The following ECEL1 variants were observed in gnomAD, a reference collection of about 807,000 sequenced individuals.
ECEL1 encodes endothelin converting enzyme like 1.
ECEL1 carries 87 observed loss-of-function variants against 101.8 expected under a neutral mutation model. The observed-to-expected ratio is 0.85, with a 90% CI of 0.72 to 1.02. The LOEUF (loss-of-function observed/expected upper bound fraction) is 1.02, where lower values mean the gene tolerates loss of function less well. Among genes scored for constraint, ECEL1 ranks in the 50% least tolerant of loss-of-function variants. The pLI, the probability that ECEL1 is intolerant of heterozygous loss-of-function variation, is 0.00. For missense variants in ECEL1, 1,032 were observed against 1,079.2 expected (o/e 0.96, Z 0.61); for synonymous variants, 487 against 468.7 (o/e 1.04, Z -0.50).
chr2:232,486,710 G>A lies in ECEL1; in HGVS notation c.-57C>T. The A allele has an allele frequency of 7.1e-7, 1 of 1,401,040 alleles. No homozygotes were observed. The allele number at this position is 1,401,040 out of a possible 1,614,324, so 86.8% of individuals were successfully genotyped here. A position where few individuals can be genotyped will look rare whatever the true frequency, so the allele number is the denominator to read the frequency against. On this transcript the variant is annotated 5_prime_UTR_variant, in exon 2 of 18. Coordinates refer to ENST00000304546, the MANE Select transcript of ECEL1 (RefSeq NM_004826.4). Reference sequence around the variant, plus strand: ...CCACCTGGGCTACGGGATGCGCGTGGCCGCCGGCCTCCTCGTGGGCCTCCG... The same window carrying A: ...CCACCTGGGCTACGGGATGCGCGTGACCGCCGGCCTCCTCGTGGGCCTCCG...
chr2:232,483,225 A>G (rs1272237819), intron 8 of ECEL1, 46 bp from the exon 9 acceptor site: 1 of 1,571,192 alleles, frequency 6.4e-7, no homozygotes, highest in South Asian at 1.2e-5. Flanking sequence ...CTCGGGAGAC[A>G]GCCCCCCGCC....
Position 232,486,189 on chromosome 2 carries a change from C to T in ECEL1, c.465G>A (p.Glu155=). The change falls in exon 2 of 18, where the codon GAG becomes GAA. Residue 155 remains glutamate, a synonymous_variant. Transcript: ENST00000304546. ...GGCGCCGTAGGCGCTCCTCGTTTTG[C>T]TCGCCGATGGCCGCGATGGTGCCAT... ...LTYGTIAAIG[E]QNEERLRRLL... is the part of the protein sequence containing the mutation. The T allele has an allele frequency of 6.3e-7, 1 of 1,594,764 alleles. No homozygotes were observed. Among genetic ancestry groups the T allele is most frequent in the South Asian group, 1.1e-5 (1 of 89,694 alleles).
chr2:232,486,081 G>C lies in ECEL1; in HGVS notation c.573C>G (p.Arg191=). The change falls in exon 2 of 18, where the codon CGC becomes CGG. Residue 191 remains arginine, a synonymous_variant. Transcript: ENST00000304546. ...RAFFRSCLDM[R]EIERLGPRPM... ...GTCGCGGGCCCAGTCGCTCGATCTC[G>C]CGCATGTCGAGGCACGAGCGGAAGA... 6.2e-7 allele frequency: 1 copy of C among 1,602,040 alleles called. No individual in the cohort carries two copies.
In ECEL1 at chr2:232,484,061, AAAGTGGCGATTGGCCTGGCCC is replaced by A; in HGVS notation, c.1326_1346del (p.Leu442_His448del). 1 of 1,612,936 alleles carries A rather than the reference AAAGTGGCGATTGGCCTGGCCC, an allele frequency of 6.2e-7. No homozygotes were observed. The highest frequency in any genetic ancestry group is 8.5e-7 in the Non-Finnish European group (1 of 1,179,202). The stretch of plus-strand genomic sequence containing the variant: ...CAAAGAGGGCGCCAAGCGCCATGCC[AAAGTGGCGATTGGCCTGGCCC>A]AAGCAGACCCGGGCCAGCTCCTGTG... On this transcript the variant is annotated inframe_deletion, in exon 7 of 18. Coordinates refer to ENST00000304546, the MANE Select transcript of ECEL1 (RefSeq NM_004826.4).
chr2:232,486,070 C>CG lies in ECEL1; in HGVS notation c.583dup (p.Arg195ProfsTer70). 6.2e-7 allele frequency: 1 copy of CG among 1,604,086 alleles called. No homozygotes were observed. The highest frequency in any genetic ancestry group is 1.1e-5 in the South Asian group (1 of 89,874). ...CTCTAGCATGGGTCGCGGGCCCAGT[C>CG]GCTCGATCTCGCGCATGTCGAGGCA... On this transcript the variant is annotated frameshift_variant, in exon 2 of 18. Transcript: ENST00000304546. LOFTEE classifies it high-confidence loss of function.
rs1490968901 is a variant in ECEL1, at chr2:232,480,271, C to A, written c.2229-19G>T. The A allele has an allele frequency of 1.9e-6, 3 of 1,613,100 alleles. No individual in the cohort carries two copies. The highest frequency in any genetic ancestry group is 2.5e-6 in the Non-Finnish European group (3 of 1,179,570). Reference sequence around the variant, plus strand: ...CAGCACCCTGGGGTGGGGAGAGACCCACACAGTGTTGGGCCCTGCAGCCAC... The same window carrying A: ...CAGCACCCTGGGGTGGGGAGAGACCAACACAGTGTTGGGCCCTGCAGCCAC... On this transcript the variant is annotated intron_variant, in intron 17 of 17. Coordinates refer to ENST00000304546, the MANE Select transcript of ECEL1 (RefSeq NM_004826.4).
Position 232,486,333 on chromosome 2 carries a change from G to T in ECEL1, c.321C>A (p.Arg107=). Residue 107 remains arginine (R), a synonymous_variant, in exon 2 of 18, where the codon CGC becomes CGA. Transcript: ENST00000304546. ...GGTTGGCGGCCAGGAAGCGAGCGGCGCGCGCGAAGGCCTTGCGCTCAGGGC... is the reference window on the plus strand; with the variant it reads ...GGTTGGCGGCCAGGAAGCGAGCGGCTCGCGCGAAGGCCTTGCGCTCAGGGC... ...EGCPERKAFA[R]AARFLAANLD... The T allele has an allele frequency of 6.4e-7, 1 of 1,561,318 alleles. No homozygotes were observed. Among genetic ancestry groups the T allele is most frequent in the Non-Finnish European group, 8.6e-7 (1 of 1,161,992 alleles).
intron 8 of ECEL1, 53 bp downstream of exon 8, chr2:232,483,358 TACACA>T (rs1690634264): frequency 6.4e-7 from 1 of 1,569,756 alleles, no homozygotes; most frequent in Non-Finnish European, 8.7e-7. Flanking sequence ...CTTTCGCTGG[TACACA>T]GTAGGTGCTC....
Position 232,483,196 on chromosome 2 carries a change from G to A in ECEL1, c.1507-17C>T. On this transcript the variant is annotated splice_polypyrimidine_tract_variant and intron_variant, in intron 8 of 17. Coordinates refer to ENST00000304546, the MANE Select transcript of ECEL1 (RefSeq NM_004826.4). ...GTACTGGAGCTGCGGGCCGAGGGCA[G>A]GTGAAGGTGGCACCAGGCCTCGGGA... 1 of 1,593,502 alleles carries A rather than the reference G, an allele frequency of 6.3e-7. No homozygotes were observed. Among genetic ancestry groups the A allele is most frequent in the Non-Finnish European group, 8.5e-7 (1 of 1,170,926 alleles).
Position 232,486,034 on chromosome 2 carries a change from T to A in ECEL1, c.620A>T (p.Asp207Val). The change falls in exon 2 of 18, where the codon GAC becomes GTC. Residue 207 changes from aspartate to valine, a missense_variant. Asp to Val is a radical substitution (Grantham distance 152). Coordinates refer to ENST00000304546, the MANE Select transcript of ECEL1 (RefSeq NM_004826.4). ...GCCGCCCAGGTCCCAGCCCCCGCAG[T>A]CCTCGATGACCTCTAGCATGGGTCG... ...GPRPMLEVIE[D>V]CGGWDLGGAE... The A allele has an allele frequency of 6.2e-7, 1 of 1,609,214 alleles. No homozygotes were observed. Among genetic ancestry groups the A allele is most frequent in the Non-Finnish European group, 8.5e-7 (1 of 1,178,728 alleles).
At chr2:232,480,984 A>G in intron 15 of ECEL1, 107 bp downstream of exon 15, 1 of 1,445,596 alleles carries the variant, frequency 6.9e-7, no homozygotes, top group East Asian at 2.5e-5. Flanking sequence ...ACCCCAGGCC[A>G]GAGCTCAGCA....
chr2:232,482,778 C>G, intron 10 of ECEL1, 73 bp downstream of exon 10: 19 of 1,574,302 alleles, frequency 1.2e-5, no homozygotes, highest in Non-Finnish European at 1.7e-5. Context: ...GGCTGTGAGA[C>G]GATTTGCCCT....
Position 232,482,986 on chromosome 2 carries a change from G to A in ECEL1, c.1582-32C>T, listed in dbSNP as rs1690623243. ...GAGGCACGGGCGACACTCAGCGGCA[G>A]GCCAGGGCAGGGCTACCTGCAGACT... is the stretch of plus-strand genomic sequence containing the variant. On this transcript the variant is annotated intron_variant, in intron 9 of 17. Coordinates refer to ENST00000304546, the MANE Select transcript of ECEL1 (RefSeq NM_004826.4). 4 of 1,613,550 alleles carry A rather than the reference G, an allele frequency of 2.5e-6. No individual in the cohort carries two copies. The South Asian group carries it at 4.4e-5, about 18-fold the overall frequency.
In ECEL1 at chr2:232,479,913, G is replaced by T; in HGVS notation, c.*240C>A. 1.7e-6 allele frequency: 1 copy of T among 571,482 alleles called. No homozygotes were observed. Among genetic ancestry groups the T allele is most frequent in the Non-Finnish European group, 3.1e-6 (1 of 319,210 alleles). The allele number at this position is 571,482 out of a possible 1,614,324, so 35.4% of individuals were successfully genotyped here. On this transcript the variant is annotated 3_prime_UTR_variant, in exon 18 of 18. Coordinates refer to ENST00000304546, the MANE Select transcript of ECEL1 (RefSeq NM_004826.4). Reference sequence around the variant, plus strand: ...ACAATCCAGCCTGGCAGAGGGTCTGGCCCCCTTAGAGCAGAATCTGGGGAC... The same window carrying T: ...ACAATCCAGCCTGGCAGAGGGTCTGTCCCCCTTAGAGCAGAATCTGGGGAC...
chr2:232,480,578 C>T, intron 16 of ECEL1, 103 bp from the exon 17 acceptor site: 1 of 1,521,862 alleles, frequency 6.6e-7, no homozygotes, highest in Non-Finnish European at 9.0e-7. Context: ...CCCTCAGCAC[C>T]ACAGGACCAT....
intron 16 of ECEL1, 30 bp from the exon 17 acceptor site, chr2:232,480,505 A>G: frequency 1.2e-6 from 2 of 1,612,414 alleles, no homozygotes; most frequent in Non-Finnish European, 8.5e-7. Context: ...GGAGGGGAGG[A>G]GGGGGAGATG....
At chr2:232,485,401 C>T in intron 2 of ECEL1, 134 bp from the exon 3 acceptor site, 2 of 1,014,626 alleles carry the variant, frequency 2.0e-6, no homozygotes, top group Non-Finnish European at 2.9e-6. Context: ...CAGACCCCAG[C>T]TCCTCTTTCC....
chr2:232,481,521 A>G lies in ECEL1; in HGVS notation c.1974T>C (p.Thr658=). 1 of 1,612,246 alleles carries G rather than the reference A, an allele frequency of 6.2e-7. No homozygotes were observed. The highest frequency in any genetic ancestry group is 8.5e-7 in the Non-Finnish European group (1 of 1,179,364). ...GGGGTCTCACCCGCTGGTTGTAGACAGTGAAGTTGTCATAGAGACGGACGA... is the reference window on the plus strand; with the variant it reads ...GGGGTCTCACCCGCTGGTTGTAGACGGTGAAGTTGTCATAGAGACGGACGA... ...ECIVRLYDNF[T]VYNQRVNGKH... The change falls in exon 14 of 18, where the codon ACT becomes ACC. Residue 658 remains threonine, a synonymous_variant. Coordinates refer to ENST00000304546, the MANE Select transcript of ECEL1 (RefSeq NM_004826.4).
chr2:232,484,347 A>G, intron 6 of ECEL1, 124 bp from the exon 7 acceptor site: 1 of 1,562,174 alleles, frequency 6.4e-7, no homozygotes, highest in Non-Finnish European at 8.7e-7. Context: ...CCCACAAAGA[A>G]GGGACAGGGG....
Sources: allele counts gnomAD v4.1 joint callset, GRCh38; gene constraint gnomAD v4.1.1; transcripts MANE v1.5; gene names NCBI Gene and HGNC (gene_info 2026-07-23, HGNC 2026-07-21).